The following CLEC16A variants were observed in gnomAD, a reference collection of about 807,000 sequenced individuals.
The protein encoded by CLEC16A is C-type lectin domain containing 16A, also known as protein CLEC16A.
Under a neutral mutation model 109.5 loss-of-function variants are expected in CLEC16A, and 51 were observed. The ratio of observed to expected loss-of-function variants is 0.47; its 90% confidence interval spans 0.37 to 0.59. CLEC16A has a LOEUF of 0.59. CLEC16A is among the 20% of genes least tolerant of loss of function. The pLI is 0.00. For synonymous variants in CLEC16A, 673 were observed against 564.2 expected, an observed-to-expected ratio of 1.19 and a Z score of -2.73; for missense variants, 1,339 against 1,394.0, an observed-to-expected ratio of 0.96 and a Z score of 0.63.
intron 19 of CLEC16A, among the ~76,000 whole-genome samples, chr16:11,119,227 T>C (rs1324862618): frequency 1.3e-5 from 2 of 152,126 alleles, no homozygotes; most frequent in South Asian, 4.1e-4. Context: ...GCCTTGTAAG[T>C]CGTGACGTCA....
chr16:11,028,079 A>C (rs550500338), intron 13 of CLEC16A, among the ~76,000 whole-genome samples: 3 of 152,214 alleles, frequency 2.0e-5, no homozygotes, highest in Non-Finnish European at 4.4e-5. Flanking sequence ...GCATGCCTGT[A>C]ATCCCAGCTA....
At chr16:10,971,570 T>C in intron 5 of CLEC16A, 6 of 973,712 alleles carry the variant, frequency 6.2e-6, no homozygotes, top group Non-Finnish European at 7.3e-6. Context: ...TGTCTTGGCT[T>C]GTGAAATATA....
intron 3 of CLEC16A, among the ~76,000 whole-genome samples, chr16:10,966,732 C>T (rs866874515): frequency 6.6e-6 from 1 of 152,152 alleles, no homozygotes; most frequent in East Asian, 1.9e-4. Flanking sequence ...AAGCCCCTTA[C>T]AAAACCATCA....
At chr16:11,144,488 C>A (rs2053972231) in intron 22 of CLEC16A, among the ~76,000 whole-genome samples, 1 of 152,084 alleles carries the variant, frequency 6.6e-6, no homozygotes, top group African/African-American at 2.4e-5. Flanking sequence ...AGCCACCCTC[C>A]CCTCAGCTGA....
chr16:11,070,216 G>A (rs555469205), intron 19 of CLEC16A, among the ~76,000 whole-genome samples: 3 of 152,076 alleles, frequency 2.0e-5, no homozygotes, highest in African/African-American at 4.8e-5. Flanking sequence ...GACTACAGGC[G>A]CGTGCCACCA....
chr16:11,068,655 C>T (rs1012961636), intron 19 of CLEC16A, among the ~76,000 whole-genome samples: 1 of 152,222 alleles, frequency 6.6e-6, no homozygotes, highest in Non-Finnish European at 1.5e-5. Flanking sequence ...ACAGGCTCAT[C>T]CCTGACTCCC....
At chr16:11,075,663 C>G (rs183537728) in intron 19 of CLEC16A, among the ~76,000 whole-genome samples, 1 of 151,988 alleles carries the variant, frequency 6.6e-6, no homozygotes, top group Non-Finnish European at 1.5e-5. Context: ...TCTCAAACTC[C>G]TGGGCTCAAG....
chr16:11,008,930 C>T (rs185851341), intron 11 of CLEC16A, among the ~76,000 whole-genome samples: 78 of 151,878 alleles, frequency 5.1e-4, no homozygotes, highest in Non-Finnish European at 6.0e-4. Context: ...ACCCGGGAGG[C>T]GGAGCTTGCA....
At chr16:11,062,792 C>A (rs1291962977) in intron 19 of CLEC16A, among the ~76,000 whole-genome samples, 1 of 150,336 alleles carries the variant, frequency 6.7e-6, no homozygotes, top group Non-Finnish European at 1.5e-5. Context: ...GAAATGGCCA[C>A]AGGAATTTCT....
chr16:11,164,153 C>G (rs2054822168), intron 22 of CLEC16A, among the ~76,000 whole-genome samples: 1 of 152,172 alleles, frequency 6.6e-6, no homozygotes, highest in Admixed American at 6.5e-5. Context: ...TCCTGCCTTT[C>G]TCTCCGCAAG....
intron 19 of CLEC16A, among the ~76,000 whole-genome samples, chr16:11,114,574 C>T (rs912519481): frequency 1.3e-5 from 2 of 152,190 alleles, no homozygotes; most frequent in African/African-American, 4.8e-5. Flanking sequence ...TGCATGAAGC[C>T]TGCAGGCAGA....
chr16:11,126,551 A>G (rs1333944862), intron 22 of CLEC16A: 2 of 575,756 alleles, frequency 3.5e-6, no homozygotes, highest in Non-Finnish European at 5.5e-6. Context: ...TGAGACTTCA[A>G]AAGAAGGCCG....
At chr16:10,973,185 A>T in intron 7 of CLEC16A, 124 bp downstream of exon 7, 1 of 1,081,548 alleles carries the variant, frequency 9.2e-7, no homozygotes, top group Non-Finnish European at 1.3e-6. Flanking sequence ...CAGAGCATGG[A>T]CTTCCGTACT....
At chr16:11,142,118 A>G (rs2053859964) in intron 22 of CLEC16A, among the ~76,000 whole-genome samples, 1 of 152,134 alleles carries the variant, frequency 6.6e-6, no homozygotes, top group Non-Finnish European at 1.5e-5. Context: ...TACTCTCCCT[A>G]CTTACCGGGG....
intron 19 of CLEC16A, among the ~76,000 whole-genome samples, chr16:11,086,113 T>C (rs1483507752): frequency 6.6e-6 from 1 of 152,198 alleles, no homozygotes; most frequent in Non-Finnish European, 1.5e-5. Context: ...ATTGCCTTTG[T>C]TTTGGTAGTT....
At chr16:11,025,605 C>G (rs886211940) in intron 13 of CLEC16A, among the ~76,000 whole-genome samples, 2 of 152,286 alleles carry the variant, frequency 1.3e-5, no homozygotes, top group South Asian at 2.1e-4. Flanking sequence ...TCCTTCTAAC[C>G]CCTGCCAAGA....
intron 1 of CLEC16A, among the ~76,000 whole-genome samples, chr16:10,952,812 G>A (rs1377550902): frequency 6.6e-6 from 1 of 152,120 alleles, no homozygotes; most frequent in Non-Finnish European, 1.5e-5. Flanking sequence ...ATGAATATTT[G>A]AAACAATATC....
In CLEC16A at chr16:10,967,873, G is replaced by T. The variant is rs369498046; in HGVS notation, c.344-1288G>T. On this transcript the variant is annotated intron_variant, in intron 3 of 23. Coordinates refer to ENST00000409790, the MANE Select transcript of CLEC16A (RefSeq NM_015226.3). ...CCCAGAGCTTCCCAAACACTAGCAC[G>T]CATGGGGAGCCCTGCACACTTCTCA... is the stretch of plus-strand genomic sequence containing the variant. Among the ~76,000 whole-genome samples the T allele has an allele frequency of 3.3e-5, 5 of 152,342 alleles. No homozygotes were observed. In the East Asian group the frequency reaches 9.7e-4, roughly 29 times the overall value.
At chr16:11,090,237 A>G (rs571989539) in intron 19 of CLEC16A, among the ~76,000 whole-genome samples, 16 of 152,154 alleles carry the variant, frequency 1.1e-4, no homozygotes, top group Non-Finnish European at 2.4e-4. Flanking sequence ...TTTTTAAAAA[A>G]TAGAAACAGG....
Sources: allele counts gnomAD v4.1 joint callset (sites outside exome capture counted in the v4.1 genomes callset), GRCh38; gene constraint gnomAD v4.1.1; transcripts MANE v1.5; gene names NCBI Gene and HGNC (gene_info 2026-07-23, HGNC 2026-07-21).